PRG4: variants seen among roughly 807,000 people sequenced by gnomAD.
The protein encoded by PRG4 is articular superficial zone protein.
In PRG4, 61 loss-of-function variants were observed where a neutral mutation model predicts 91.2. The ratio of observed to expected loss-of-function variants is 0.67; its 90% CI spans 0.54 to 0.83. PRG4 has a LOEUF of 0.83. PRG4 is among the 40% of genes least tolerant of loss of function. The pLI, the probability that PRG4 is intolerant of heterozygous loss-of-function variation, is 0.00. For synonymous variants in PRG4, 576 were observed against 614.2 expected, an observed-to-expected ratio of 0.94 and a Z score of 0.92; for missense variants, 1,564 against 1,714.2, an observed-to-expected ratio of 0.91 and a Z score of 1.55.
chr1:186,300,986 C>A (rs969229635), intron 3 of PRG4, among the ~76,000 whole-genome samples: 2 of 152,122 alleles, frequency 1.3e-5, no homozygotes, highest in Non-Finnish European at 2.9e-5. Flanking sequence ...TTAACTCTAA[C>A]AAAGGCTTTT....
chr1:186,304,393 A>C (rs1656417054), intron 5 of PRG4, 136 bp downstream of exon 5: 1 of 1,084,996 alleles, frequency 9.2e-7, no homozygotes, highest in Non-Finnish European at 1.4e-6. Flanking sequence ...AAGGTTTTAG[A>C]CTTTGCTTTT....
intron 2 of PRG4, 80 bp downstream of exon 2, chr1:186,297,031 T>C: frequency 7.9e-7 from 1 of 1,267,410 alleles, no homozygotes; most frequent in Non-Finnish European, 1.1e-6. Context: ...AACGGAAATA[T>C]ATTTCTAAAA....
chr1:186,313,520 G>A (rs1192866842), intron 12 of PRG4, 161 bp from the exon 13 acceptor site: 1 of 572,676 alleles, frequency 1.7e-6, no homozygotes. Context: ...AAAAGTCTAG[G>A]CAATTGTTTT....
At chr1:186,305,781 C>A (rs530789170) in intron 6 of PRG4, among the ~76,000 whole-genome samples, 2 of 152,288 alleles carry the variant, frequency 1.3e-5, no homozygotes, top group East Asian at 3.9e-4. Context: ...CTTATGTCCC[C>A]TGGGACCTGC....
At position 186,314,261 on chromosome 1, in the gene PRG4, C is replaced by G; in HGVS notation, c.*483C>G. Reference sequence around the variant, plus strand: ...GAAATATTAAAATTTTACACTTTTACTAGCTAAAACATAATCACAAAGCTT... The same window carrying G: ...GAAATATTAAAATTTTACACTTTTAGTAGCTAAAACATAATCACAAAGCTT... On this transcript the variant is annotated 3_prime_UTR_variant, in exon 13 of 13. Transcript: ENST00000445192. 2.2e-6 allele frequency: 1 copy of G among 463,740 alleles called. No individual in the cohort carries two copies. Among genetic ancestry groups the G allele is most frequent in the Non-Finnish European group, 3.8e-6 (1 of 264,712 alleles). The allele number at this position is 463,740 out of a possible 1,614,324, so 28.7% of individuals were successfully genotyped here.
At chr1:186,311,269 AAAT>A (rs1474326800) in intron 9 of PRG4, 99 bp downstream of exon 9, 2 of 1,434,832 alleles carry the variant, frequency 1.4e-6, no homozygotes, top group Non-Finnish European at 2.0e-6. Flanking sequence ...GTGTCCTTTT[AAAT>A]ACTCTGTCAT....
At position 186,306,702 on chromosome 1, in the gene PRG4, T is replaced by G; in HGVS notation, c.983T>G (p.Leu328Arg). The stretch of plus-strand genomic sequence containing the variant: ...GATTTAGCACCCACATCTAAAGTGC[T>G]GGCTAAACCTACACCCAAAGCTGAA... Reference protein sequence around the residue: ...AKDLAPTSKVLAKPTPKAETT... With the variant: ...AKDLAPTSKVRAKPTPKAETT... The change falls in exon 7 of 13, where the codon CTG becomes CGG. Residue 328 changes from leucine to arginine, a missense_variant. Leu to Arg is a moderately radical substitution (Grantham distance 102). Around this residue, in one of 3 missense-constraint regions of PRG4, gnomAD observed 437 missense variants for 459.0 expected, o/e 0.95. Coordinates refer to ENST00000445192, the MANE Select transcript of PRG4 (RefSeq NM_005807.6). 6.2e-7 allele frequency: 1 copy of G among 1,613,750 alleles called. No individual in the cohort carries two copies. Among genetic ancestry groups the G allele is most frequent in the Non-Finnish European group, 8.5e-7 (1 of 1,179,780 alleles).
intron 9 of PRG4, 46 bp from the exon 10 acceptor site, chr1:186,311,393 CT>C (rs757949871): frequency 1.9e-5 from 30 of 1,584,544 alleles, no homozygotes; most frequent in Non-Finnish European, 2.6e-5. Context: ...AGTTCCAAAT[CT>C]TTTTTCCCAA....
intron 5 of PRG4, 121 bp from the exon 6 acceptor site, chr1:186,304,673 T>C (rs1470566772): frequency 7.5e-7 from 1 of 1,333,384 alleles, no homozygotes; most frequent in African/African-American, 1.5e-5. Context: ...ATATTACTAA[T>C]AAAAGCAAAA....
chr1:186,311,490 C>G lies in PRG4; in HGVS notation c.3687C>G (p.Pro1229=). The G allele has an allele frequency of 6.2e-7, 1 of 1,613,824 alleles. No individual in the cohort carries two copies. The highest frequency in any genetic ancestry group is 2.2e-5 in the East Asian group (1 of 44,846). ...ATGATATAAAAGATGCAGGGTACCCCAAACCAATTTTCAAAGGATTTGGAG... is the reference window on the plus strand; with the variant it reads ...ATGATATAAAAGATGCAGGGTACCCGAAACCAATTTTCAAAGGATTTGGAG... The part of the protein sequence containing the change: ...FTNDIKDAGY[P]KPIFKGFGGL... The change falls in exon 10 of 13, where the codon CCC becomes CCG. Residue 1229 remains proline, a synonymous_variant. Transcript: ENST00000445192.
At position 186,314,371 on chromosome 1, in the gene PRG4, T is replaced by C. The variant is rs1323951833; in HGVS notation, c.*593T>C. On this transcript the variant is annotated 3_prime_UTR_variant, in exon 13 of 13. Transcript: ENST00000445192. ...AATATAACACTATAACACTTCATAT[T>C]TTCCAAATCTTAATTTGGATTTAAG... The C allele has an allele frequency of 2.8e-6, 1 of 353,742 alleles. No individual in the cohort carries two copies. The highest frequency in any genetic ancestry group is 5.1e-6 in the Non-Finnish European group (1 of 197,944). 21.9% of individuals were successfully genotyped at this position (353,742 alleles called of 1,614,324 possible).
intron 9 of PRG4, 71 bp from the exon 10 acceptor site, chr1:186,311,369 T>C: frequency 6.6e-7 from 1 of 1,523,874 alleles, no homozygotes; most frequent in Non-Finnish European, 9.1e-7. Context: ...TCTCTATACT[T>C]AAATCTAGAA....
chr1:186,312,284 A>G lies in PRG4; in HGVS notation c.3903A>G (p.Arg1301=), dbSNP rs749214186. Residue 1301 remains arginine, a synonymous_variant, in exon 11 of 13, where the codon AGA becomes AGG. Transcript: ENST00000445192. ...PVYGETTQVR[R]RRFERAIGPS... ...ATGGAGAAACGACACAGGTTAGGAG[A>G]CGTCGCTTTGAACGTGCTATAGGAC... is the stretch of plus-strand genomic sequence containing the variant. 1 of 1,613,684 alleles carries G rather than the reference A, an allele frequency of 6.2e-7. No individual in the cohort carries two copies. Among genetic ancestry groups the G allele is most frequent in the East Asian group, 2.2e-5 (1 of 44,874 alleles).
intron 6 of PRG4, among the ~76,000 whole-genome samples, 162 bp from the exon 7 acceptor site, chr1:186,306,156 T>C (rs1403903437): frequency 6.6e-6 from 1 of 152,262 alleles, no homozygotes; most frequent in East Asian, 1.9e-4. Context: ...CCCAATAAGA[T>C]AGGTTGAGTA....
At chr1:186,299,374 A>G (rs1007496234) in intron 2 of PRG4, among the ~76,000 whole-genome samples, 26 of 152,330 alleles carry the variant, frequency 1.7e-4, no homozygotes, top group African/African-American at 6.0e-4. Flanking sequence ...AGTAAAGTTT[A>G]TGCTGGTGCA....
chr1:186,308,892 C>T lies in PRG4; in HGVS notation c.3173C>T (p.Thr1058Ile), dbSNP rs766751412. 5.6e-6 allele frequency: 9 copies of T among 1,613,586 alleles called. No individual in the cohort carries two copies. The African/African-American group carries it at 1.2e-4, about 22-fold the overall frequency. The change falls in exon 7 of 13, where the codon ACA becomes ATA. Residue 1058 changes from threonine to isoleucine, a missense_variant. Thr to Ile is a moderately conservative substitution (Grantham distance 89). Around this residue, in one of 3 missense-constraint regions of PRG4, gnomAD observed 1,079 missense variants for 1,162.2 expected, o/e 0.93. Coordinates refer to ENST00000445192, the MANE Select transcript of PRG4 (RefSeq NM_005807.6). The stretch of plus-strand genomic sequence containing the variant: ...CCAACTCCCCGCAAGATGACATCAA[C>T]AATGCCAGAATTGAACCCTACCTCA... ...TTPTPRKMTS[T>I]MPELNPTSRI...
rs371315032 is a variant in PRG4, at chr1:186,296,965, C to T, written c.76+14C>T. 12 of 1,600,270 alleles carry T rather than the reference C, an allele frequency of 7.5e-6. No individual in the cohort carries two copies. Among genetic ancestry groups the T allele is most frequent in the Admixed American group, 1.7e-5 (1 of 59,984 alleles). On this transcript the variant is annotated intron_variant, in intron 2 of 12. Coordinates refer to ENST00000445192, the MANE Select transcript of PRG4 (RefSeq NM_005807.6). ...TTTCATCTCAAGGTAGCTTAACCAT[C>T]GAACATACTTTTATTTAACAACTAT...
At position 186,313,769 on chromosome 1, in the gene PRG4, C is replaced by T. The variant is rs779215669; in HGVS notation, c.4206C>T (p.Asn1402=). 6.2e-7 allele frequency: 1 copy of T among 1,601,450 alleles called. No individual in the cohort carries two copies. The highest frequency in any genetic ancestry group is 1.1e-5 in the South Asian group (1 of 90,828). ...SGQTLSKVWY[N]CP ...AGACCTTATCCAAAGTCTGGTACAA[C>T]TGTCCTTAGACTGATGAGCAAAGGA... The change falls in exon 13 of 13, where the codon AAC becomes AAT. Residue 1402 remains asparagine, a synonymous_variant. Transcript: ENST00000445192.
In PRG4 at chr1:186,311,793, A is replaced by G. The variant is rs138874159; in HGVS notation, c.3793+197A>G. ...TTCATTTCTTCACAGGCAAGTCACA[A>G]TTCATTTGAGTTTTCAGGTCACTGA... is the stretch of plus-strand genomic sequence containing the variant. On this transcript the variant is annotated intron_variant, in intron 10 of 12. Transcript: ENST00000445192. 1.8e-3 allele frequency: 1,191 copies of G among 645,730 alleles called. 13 individuals carry two copies. The African/African-American group carries it at 0.02, about 11-fold the overall frequency. The allele number at this position is 645,730 out of a possible 1,614,324, so 40.0% of individuals were successfully genotyped here.
Sources: allele counts gnomAD v4.1 joint callset (sites outside exome capture counted in the v4.1 genomes callset), GRCh38; gene constraint gnomAD v4.1.1; regional missense constraint gnomAD v4.1.1; transcripts MANE v1.5; gene names NCBI Gene and HGNC (gene_info 2026-07-23, HGNC 2026-07-21).